The following SPOPL variants were observed in gnomAD, a reference collection of about 807,000 sequenced individuals.
SPOPL encodes the protein speckle type BTB/POZ protein like, also known as speckle-type POZ protein-like.
SPOPL carries 23 observed loss-of-function variants against 53.8 expected under a neutral mutation model. The observed-to-expected ratio is 0.43, with a 90% CI of 0.31 to 0.61. The LOEUF is 0.61. Among genes scored for constraint, SPOPL ranks in the 20% least tolerant of loss-of-function variants. SPOPL has a pLI of 0.12. For synonymous variants in SPOPL, 164 were observed against 149.7 expected, an observed-to-expected ratio of 1.10 and a Z score of -0.70; for missense variants, 442 against 466.9, an observed-to-expected ratio of 0.95 and a Z score of 0.49.
At chr2:138,535,862 A>T (rs910814729) in intron 1 of SPOPL, among the ~76,000 whole-genome samples, 1 of 151,658 alleles carries the variant, frequency 6.6e-6, no homozygotes, top group Non-Finnish European at 1.5e-5. Context: ...ATCTCTACTG[A>T]TTTGTCTGTA....
chr2:138,539,317 A>T lies in SPOPL; in HGVS notation c.-60-10840A>T, dbSNP rs1444741507. Reference sequence around the variant, plus strand: ...ATTTCTAGTTCAAGATCCCTAAGGAATCGCCACACTGACTTCCACAATGGT... The same window carrying T: ...ATTTCTAGTTCAAGATCCCTAAGGATTCGCCACACTGACTTCCACAATGGT... On this transcript the variant is annotated intron_variant, in intron 1 of 10. Coordinates refer to ENST00000280098, the MANE Select transcript of SPOPL (RefSeq NM_001001664.3). 1.1e-4 allele frequency among the ~76,000 whole-genome samples: 17 copies of T among 152,346 alleles called. No homozygotes were observed. In the East Asian group the frequency reaches 3.1e-3, roughly 28 times the overall value.
rs747713250 is a variant in SPOPL at position 138,564,836 on chromosome 2, A to G, written c.966A>G (p.Ile322Met). The G allele has an allele frequency of 1.2e-6, 2 of 1,614,216 alleles. No individual in the cohort carries two copies. Among genetic ancestry groups the G allele is most frequent in the Non-Finnish European group, 8.5e-7 (1 of 1,180,020 alleles). Residue 322 changes from isoleucine to methionine, a missense_variant, in exon 9 of 11, where the codon ATA becomes ATG. By Grantham distance (10) the Ile-to-Met change is conservative. Coordinates refer to ENST00000280098, the MANE Select transcript of SPOPL (RefSeq NM_001001664.3). Reference sequence around the variant, plus strand: ...CAGAACAGTTGAAAGCACAAGCCATAGACTTTATTAATAGGTAAGCTATGC... The same window carrying G: ...CAGAACAGTTGAAAGCACAAGCCATGGACTTTATTAATAGGTAAGCTATGC... ...HSAEQLKAQA[I>M]DFINRCSVLR...
intron 1 of SPOPL, among the ~76,000 whole-genome samples, chr2:138,507,066 AT>A (rs1684229323): frequency 6.6e-6 from 1 of 152,232 alleles, no homozygotes; most frequent in African/African-American, 2.4e-5. Context: ...CAACTGGGAA[AT>A]TAAGTGGCAA....
At chr2:138,548,947 A>G (rs953329519) in intron 1 of SPOPL, among the ~76,000 whole-genome samples, 2 of 152,168 alleles carry the variant, frequency 1.3e-5, no homozygotes, top group African/African-American at 4.8e-5. Flanking sequence ...TCTACTCCCA[A>G]GTCTGTAGAA....
At chr2:138,519,661 G>A (rs116806024) in intron 1 of SPOPL, among the ~76,000 whole-genome samples, 1,617 of 152,248 alleles carry the variant, frequency 0.011, 30 homozygotes, top group African/African-American at 0.037. Flanking sequence ...TGCAGGTATG[G>A]CATGCACCTG....
intron 1 of SPOPL, among the ~76,000 whole-genome samples, chr2:138,540,997 T>C (rs1024501022): frequency 6.6e-6 from 1 of 152,228 alleles, no homozygotes; most frequent in Admixed American, 6.5e-5. Context: ...TCTATTGAGA[T>C]AATCATATGG....
intron 5 of SPOPL, among the ~76,000 whole-genome samples, chr2:138,555,259 T>A (rs1685399908): frequency 6.6e-6 from 1 of 152,102 alleles, no homozygotes; most frequent in Non-Finnish European, 1.5e-5. Flanking sequence ...TAATTACCTC[T>A]GAAAGGTCTC....
intron 1 of SPOPL, among the ~76,000 whole-genome samples, chr2:138,538,161 C>G (rs541904781): frequency 1.1e-4 from 16 of 152,206 alleles, no homozygotes; most frequent in African/African-American, 3.9e-4. Context: ...TGAGAACATT[C>G]CATATGCACT....
intron 1 of SPOPL, among the ~76,000 whole-genome samples, chr2:138,529,401 A>T (rs1208563631): frequency 6.6e-6 from 1 of 151,836 alleles, no homozygotes; most frequent in Non-Finnish European, 1.5e-5. Flanking sequence ...CCTTTTGAAT[A>T]TGTTTTTGAC....
rs945524424 is a variant in SPOPL, at chr2:138,560,721, T to G, written c.715-84T>G. 7.0e-6 allele frequency: 10 copies of G among 1,435,768 alleles called. No homozygotes were observed. In the African/African-American group the frequency reaches 1.3e-4, roughly 19 times the overall value. The allele number at this position is 1,435,768 out of a possible 1,614,324, so 88.9% of individuals were successfully genotyped here. A position where few individuals can be genotyped will look rare whatever the true frequency, so the allele number is the denominator to read the frequency against. ...TATTTTAGTGTAGATTTAGGGCTTTTAAATTACTGTCAAAGATTCACTTTG... is the reference window on the plus strand; with the variant it reads ...TATTTTAGTGTAGATTTAGGGCTTTGAAATTACTGTCAAAGATTCACTTTG... On this transcript the variant is annotated intron_variant, in intron 7 of 10. Transcript: ENST00000280098.
chr2:138,564,548 A>C, intron 8 of SPOPL, 160 bp from the exon 9 acceptor site: 1 of 760,190 alleles, frequency 1.3e-6, no homozygotes, highest in Non-Finnish European at 1.9e-6. Context: ...GCATTTGTTT[A>C]TATTTACTTC....
At position 138,531,115 on chromosome 2, in the gene SPOPL, A is replaced by G. The variant is rs562252854; in HGVS notation, c.-60-19042A>G. ...ATTACATTAATAAATTCTGATTTTG[A>G]TCTAGTCTAACGGAGTATTTGGGCT... On this transcript the variant is annotated intron_variant, in intron 1 of 10. Coordinates refer to ENST00000280098, the MANE Select transcript of SPOPL (RefSeq NM_001001664.3). Among the ~76,000 whole-genome samples, 37 of 152,052 alleles carry G rather than the reference A, an allele frequency of 2.4e-4. 1 individual carries two copies. In the South Asian group the frequency reaches 3.1e-3, roughly 13 times the overall value.
At chr2:138,503,889 A>G (rs945123836) in intron 1 of SPOPL, among the ~76,000 whole-genome samples, 6 of 152,224 alleles carry the variant, frequency 3.9e-5, no homozygotes, top group Non-Finnish European at 8.8e-5. Context: ...GTCTTCCTTC[A>G]GAAGACTGGT....
At chr2:138,560,997 A>G (rs1032176236) in intron 8 of SPOPL, 70 bp downstream of exon 8, 1 of 1,539,146 alleles carries the variant, frequency 6.5e-7, no homozygotes, top group Admixed American at 2.2e-5. Flanking sequence ...CTGTCATCAA[A>G]TGAAAACTCC....
chr2:138,567,502 C>T (rs1044714339), intron 10 of SPOPL, among the ~76,000 whole-genome samples: 1 of 149,576 alleles, frequency 6.7e-6, no homozygotes, highest in Non-Finnish European at 1.5e-5. Flanking sequence ...CCTGAAAGGC[C>T]ATGTAAAATA....
chr2:138,532,057 A>C (rs1684820870), intron 1 of SPOPL, among the ~76,000 whole-genome samples: 1 of 152,216 alleles, frequency 6.6e-6, no homozygotes, highest in Non-Finnish European at 1.5e-5. Flanking sequence ...CAGGCATTTC[A>C]ATTTAGAGTC....
At chr2:138,525,656 G>GAAA (rs71406327) in intron 1 of SPOPL, among the ~76,000 whole-genome samples, 9 of 30,020 alleles carry the variant, frequency 3.0e-4, no homozygotes, top group African/African-American at 7.0e-4. Context: ...ATAAAAAGTA[G>GAAA]AAAAAAAAAA....
At chr2:138,554,423 G>A (rs1458667816) in intron 5 of SPOPL, 2 of 1,213,366 alleles carry the variant, frequency 1.6e-6, no homozygotes, top group South Asian at 1.5e-5. Flanking sequence ...GCTCACGGAT[G>A]CCCTTCCTTC....
chr2:138,513,072 G>T (rs1684361117), intron 1 of SPOPL, among the ~76,000 whole-genome samples: 1 of 152,206 alleles, frequency 6.6e-6, no homozygotes, highest in South Asian at 2.1e-4. Context: ...TAATGATGGT[G>T]GTGAAGGGGG....
Sources: gnomAD v4.1 joint callset for allele counts (sites outside exome capture counted in the v4.1 genomes callset) on GRCh38, gnomAD v4.1.1 for gene constraint, MANE v1.5 for transcripts, NCBI Gene and HGNC (gene_info 2026-07-23, HGNC 2026-07-21) for gene names.